Variants in TMEM132D observed in about 807,000 individuals in gnomAD.
TMEM132D encodes the protein mature OL transmembrane protein.
A neutral mutation model predicts 62.3 loss-of-function variants in TMEM132D; 21 were observed. The observed-to-expected ratio is 0.34, with a 90% CI of 0.24 to 0.49. The LOEUF is 0.49. Ranked by LOEUF, TMEM132D falls within the 20% of genes least tolerant of loss-of-function variation. The probability of loss-of-function intolerance (pLI) is 0.99; values close to 1 mark genes in which losing one functional copy is unlikely to be tolerated. For synonymous variants in TMEM132D, 621 were observed against 575.6 expected (o/e 1.08, Z -1.13); for missense variants, 1,346 against 1,402.8 (o/e 0.96, Z 0.65).
chr12:129,082,523 G>C (rs11060122), intron 6 of TMEM132D, among the ~76,000 whole-genome samples: 4,680 of 152,282 alleles, frequency 0.031, 294 homozygotes, highest in East Asian at 0.17. Context: ...GAAGCTGAGA[G>C]TGACCTCTGG....
intron 1 of TMEM132D, among the ~76,000 whole-genome samples, chr12:129,870,802 A>T (rs1165553313): frequency 6.6e-6 from 1 of 152,174 alleles, no homozygotes; most frequent in Non-Finnish European, 1.5e-5. Context: ...ACCTTAAAAT[A>T]GAGGGAATCA....
At chr12:129,718,822 T>C (rs1392714712) in intron 1 of TMEM132D, among the ~76,000 whole-genome samples, 1 of 152,226 alleles carries the variant, frequency 6.6e-6, no homozygotes, top group Non-Finnish European at 1.5e-5. Context: ...ATAACAACAG[T>C]AGCTGCCTCA....
In TMEM132D at chr12:129,839,117, A is replaced by ATTTTTTTTTTTTTTTTTTTTTTTTTT. The variant is rs71085578; in HGVS notation, c.79+64118_79+64143dup. On this transcript the variant is annotated intron_variant, in intron 1 of 8. Transcript: ENST00000422113. Reference sequence around the variant, plus strand: ...AGGCGTCCACCACCACGCCTGGCTAATTTTTTTTTTTTTTTTTTTTTTTTT... The same window carrying ATTTTTTTTTTTTTTTTTTTTTTTTTT: ...AGGCGTCCACCACCACGCCTGGCTAATTTTTTTTTTTTTTTTTTTTTTTTTTTTTTTTTTTTTTTTTTTTTTTTTTT... Among the ~76,000 whole-genome samples the ATTTTTTTTTTTTTTTTTTTTTTTTTT allele has an allele frequency of 5.3e-4, 11 of 20,712 alleles. 4 individuals carry two copies. The highest frequency in any genetic ancestry group is 3.1e-3 in the East Asian group (2 of 638). 13.6% of individuals were successfully genotyped at this position (20,712 alleles called of 152,430 possible).
chr12:129,288,456 A>T (rs1237302113), intron 4 of TMEM132D, among the ~76,000 whole-genome samples: 1 of 152,212 alleles, frequency 6.6e-6, no homozygotes, highest in Non-Finnish European at 1.5e-5. Flanking sequence ...TTAAATAGAC[A>T]TTTCTCCAAA....
intron 3 of TMEM132D, among the ~76,000 whole-genome samples, chr12:129,361,255 A>C (rs1378642441): frequency 4.6e-5 from 7 of 152,200 alleles, no homozygotes; most frequent in Admixed American, 3.3e-4. Flanking sequence ...GGACTGATTA[A>C]TGCTCATGGT....
At chr12:129,286,222 T>C (rs1046990986) in intron 4 of TMEM132D, among the ~76,000 whole-genome samples, 1 of 152,150 alleles carries the variant, frequency 6.6e-6, no homozygotes. Flanking sequence ...ATAGGAAAAA[T>C]AGCTGACGGC....
chr12:129,269,513 A>T (rs1880795302), intron 4 of TMEM132D, among the ~76,000 whole-genome samples: 2 of 152,134 alleles, frequency 1.3e-5, no homozygotes, highest in South Asian at 4.1e-4. Flanking sequence ...GGTGCTTGGC[A>T]CATAGACGCT....
chr12:129,730,208 GC>G (rs1395365104), intron 1 of TMEM132D, among the ~76,000 whole-genome samples: 2 of 152,096 alleles, frequency 1.3e-5, no homozygotes, highest in Non-Finnish European at 2.9e-5. Context: ...TCTCTGAGGA[GC>G]CGAAAGTCTA....
In TMEM132D at chr12:129,074,049, C is replaced by A. The variant is rs770471185; in HGVS notation, c.3126G>T (p.Arg1042Ser). The A allele has an allele frequency of 6.2e-7, 1 of 1,613,930 alleles. No homozygotes were observed. The part of the protein sequence containing the change: ...SEPPTSPTSK[R>S]KRVKFTTFTA... ...TGAAGGTGGTAAATTTTACCCTTTT[C>A]CTTTTTGAGGTAGGGGATGTTGGGG... The change falls in exon 9 of 9, where the codon AGG becomes AGT. Residue 1042 changes from arginine (R) to serine (S), a missense_variant. Coordinates refer to ENST00000422113, the MANE Select transcript of TMEM132D (RefSeq NM_133448.3).
intron 2 of TMEM132D, among the ~76,000 whole-genome samples, chr12:129,571,188 C>A (rs909469548): frequency 7.9e-5 from 12 of 152,194 alleles, no homozygotes; most frequent in Non-Finnish European, 1.6e-4. Context: ...GGAATTTAAT[C>A]CCATTCTTAC....
At chr12:129,354,945 G>A (rs566856235) in intron 3 of TMEM132D, among the ~76,000 whole-genome samples, 7 of 152,312 alleles carry the variant, frequency 4.6e-5, no homozygotes, top group Non-Finnish European at 4.4e-5. Flanking sequence ...TAAATGTAGG[G>A]AAGTATGTTA....
At chr12:129,383,123 C>T (rs1871001372) in intron 3 of TMEM132D, among the ~76,000 whole-genome samples, 1 of 152,234 alleles carries the variant, frequency 6.6e-6, no homozygotes. Context: ...CCCACCAAAT[C>T]AGGAGCTGCC....
intron 1 of TMEM132D, among the ~76,000 whole-genome samples, chr12:129,862,938 T>C (rs1467811465): frequency 6.6e-6 from 1 of 151,442 alleles, no homozygotes; most frequent in Non-Finnish European, 1.5e-5. Flanking sequence ...TGCATGTTGA[T>C]GGAACTGAAC....
intron 5 of TMEM132D, among the ~76,000 whole-genome samples, chr12:129,107,984 T>C (rs1875556075): frequency 6.6e-6 from 1 of 152,060 alleles, no homozygotes; most frequent in Admixed American, 6.6e-5. Flanking sequence ...TGAGCCACTA[T>C]ACCCGTCCAG....
chr12:129,101,601 C>A (rs759906161), intron 5 of TMEM132D, among the ~76,000 whole-genome samples: 12 of 152,216 alleles, frequency 7.9e-5, no homozygotes, highest in Non-Finnish European at 1.5e-4. Context: ...CTACACTCTA[C>A]GTTTCCCGAG....
At chr12:129,509,984 C>T (rs184485104) in intron 3 of TMEM132D, among the ~76,000 whole-genome samples, 5 of 152,142 alleles carry the variant, frequency 3.3e-5, no homozygotes, top group Admixed American at 1.3e-4. Flanking sequence ...GGGTATATAC[C>T]GAGCAATAGG....
chr12:129,647,971 G>A lies in TMEM132D; in HGVS notation c.968+51839C>T, dbSNP rs546146377. Reference sequence around the variant, plus strand: ...ACTAACTTTGGGAGGAATTAAGTTCGTAGTTTAAATTTGAAACAAAGATGA... The same window carrying A: ...ACTAACTTTGGGAGGAATTAAGTTCATAGTTTAAATTTGAAACAAAGATGA... On this transcript the variant is annotated intron_variant, in intron 2 of 8. Coordinates refer to ENST00000422113, the MANE Select transcript of TMEM132D (RefSeq NM_133448.3). Among the ~76,000 whole-genome samples the A allele has an allele frequency of 3.9e-5, 6 of 152,232 alleles. No individual in the cohort carries two copies. In the East Asian group the frequency reaches 5.8e-4, roughly 15 times the overall value.
chr12:129,877,979 CTATTTAA>C (rs1446132367), intron 1 of TMEM132D, among the ~76,000 whole-genome samples: 4 of 152,186 alleles, frequency 2.6e-5, no homozygotes, highest in African/African-American at 9.7e-5. Context: ...CTAAGACCAG[CTATTTAA>C]TATATCAAAA....
chr12:129,113,699 G>A (rs1233976896), intron 5 of TMEM132D, among the ~76,000 whole-genome samples: 3 of 151,974 alleles, frequency 2.0e-5, no homozygotes. Context: ...AGACCAGAAA[G>A]GAGACAGGAA....
Sources: allele counts gnomAD v4.1 joint callset (sites outside exome capture counted in the v4.1 genomes callset), GRCh38; gene constraint gnomAD v4.1.1; transcripts MANE v1.5; gene names NCBI Gene and HGNC (gene_info 2026-07-23, HGNC 2026-07-21).